Variants in RNU4-2 observed in about 807,000 individuals in gnomAD.
The protein encoded by RNU4-2 is RNA, U4 small nuclear 2, also known as RNA, U4 small nuclear 1B.
In RNU4-2 at chr12:120,291,827, TG is replaced by T. The variant is rs1417379543; in HGVS notation, n.76del. On this transcript the variant is annotated non_coding_transcript_exon_variant, in exon 1 of 1. Coordinates refer to ENST00000365668, the Ensembl canonical transcript of RNU4-2. ...ATTTCAAGTCGTCATGGCGGGGTAT[TG>T]GGAAAAGTTTTCAATTAGCAATAAT... The T allele has an allele frequency of 1.3e-5, 2 of 152,148 alleles. No individual in the cohort carries two copies. The highest frequency in any genetic ancestry group is 6.6e-5 in the Admixed American group (1 of 15,254). The allele number at this position is 152,148 out of a possible 1,614,324, so 9.4% of individuals were successfully genotyped here.
chr12:120,291,865 T>TC (rs770351809), exon 1 of RNU4-2: 1 of 152,168 alleles, frequency 6.6e-6, no homozygotes, highest in Non-Finnish European at 1.5e-5. Context: ...GCGCCTCGGA[T>TC]AAACCTCATT....
At chr12:120,291,765 T>G (rs572999534) in exon 1 of RNU4-2, 2 of 152,174 alleles carry the variant, frequency 1.3e-5, no homozygotes, top group Non-Finnish European at 2.9e-5. Flanking sequence ...AAATTCAGTC[T>G]CCGTAGAGAC....
chr12:120,291,869 C>T (rs991443026), exon 1 of RNU4-2: 8 of 152,094 alleles, frequency 5.3e-5, no homozygotes, highest in Admixed American at 2.0e-4. Context: ...CTCGGATAAA[C>T]CTCATTGGCT....
At position 120,291,783 on chromosome 12, in the gene RNU4-2, A is replaced by T. The variant is rs1031140690; in HGVS notation, n.121T>A. ...TTCAGTCTCCGTAGAGACTGTCAAA[A>T]ATTGCCAATGCCGACTATATTTCAA... On this transcript the variant is annotated non_coding_transcript_exon_variant, in exon 1 of 1. Coordinates refer to ENST00000365668, the Ensembl canonical transcript of RNU4-2. 6.6e-6 allele frequency: 1 copy of T among 152,182 alleles called. No homozygotes were observed. Among genetic ancestry groups the T allele is most frequent in the Non-Finnish European group, 1.5e-5 (1 of 68,030 alleles). 9.4% of individuals were successfully genotyped at this position (152,182 alleles called of 1,614,324 possible).
At chr12:120,291,868 A>C (rs780821715) in exon 1 of RNU4-2, 2 of 152,078 alleles carry the variant, frequency 1.3e-5, no homozygotes, top group African/African-American at 2.4e-5. Flanking sequence ...CCTCGGATAA[A>C]CCTCATTGGC....
chr12:120,291,891 A>AT (rs1367575679), exon 1 of RNU4-2: 1 of 152,156 alleles, frequency 6.6e-6, no homozygotes, highest in Non-Finnish European at 1.5e-5. Flanking sequence ...CGATACTGCC[A>AT]CTGCGCAAAG....
At chr12:120,291,888 G>A (rs924892063) in exon 1 of RNU4-2, 12 of 152,070 alleles carry the variant, frequency 7.9e-5, no homozygotes, top group South Asian at 2.1e-4. Flanking sequence ...CTACGATACT[G>A]CCACTGCGCA....
Position 120,291,812 on chromosome 12 carries a change from G to C in RNU4-2, n.92C>G, listed in dbSNP as rs550542761. On this transcript the variant is annotated non_coding_transcript_exon_variant, in exon 1 of 1. Transcript: ENST00000365668. ...GCCAATGCCGACTATATTTCAAGTC[G>C]TCATGGCGGGGTATTGGGAAAAGTT... The C allele has an allele frequency of 6.6e-6, 1 of 152,224 alleles. No individual in the cohort carries two copies. The highest frequency in any genetic ancestry group is 1.9e-4 in the East Asian group (1 of 5,188). 9.4% of individuals were successfully genotyped at this position (152,224 alleles called of 1,614,324 possible). A position where few individuals can be genotyped will look rare whatever the true frequency, so the allele number is the denominator to read the frequency against.
chr12:120,291,805 T>G (rs575168828), exon 1 of RNU4-2: 5 of 152,194 alleles, frequency 3.3e-5, no homozygotes, highest in South Asian at 2.1e-4. Flanking sequence ...CGACTATATT[T>G]CAAGTCGTCA....
At chr12:120,291,808 A>C (rs944925512) in exon 1 of RNU4-2, 1 of 152,200 alleles carries the variant, frequency 6.6e-6, no homozygotes, top group Non-Finnish European at 1.5e-5. Context: ...CTATATTTCA[A>C]GTCGTCATGG....
chr12:120,291,860 T>G (rs924820188), exon 1 of RNU4-2: 1 of 152,116 alleles, frequency 6.6e-6, no homozygotes, highest in African/African-American at 2.4e-5. Flanking sequence ...TAATCGCGCC[T>G]CGGATAAACC....
At chr12:120,291,776 T>C (rs187416059) in exon 1 of RNU4-2, 43 of 152,316 alleles carry the variant, frequency 2.8e-4, no homozygotes, top group African/African-American at 7.7e-4. Flanking sequence ...CCGTAGAGAC[T>C]GTCAAAAATT....
chr12:120,291,785 T>C lies in RNU4-2; in HGVS notation n.119A>G, dbSNP rs957907005. ...CAGTCTCCGTAGAGACTGTCAAAAA[T>C]TGCCAATGCCGACTATATTTCAAGT... On this transcript the variant is annotated non_coding_transcript_exon_variant, in exon 1 of 1. Coordinates refer to ENST00000365668, the Ensembl canonical transcript of RNU4-2. 8 of 152,194 alleles carry C rather than the reference T, an allele frequency of 5.3e-5. No individual in the cohort carries two copies. The highest frequency in any genetic ancestry group is 9.7e-5 in the African/African-American group (4 of 41,438). 9.4% of individuals were successfully genotyped at this position (152,194 alleles called of 1,614,324 possible). A position where few individuals can be genotyped will look rare whatever the true frequency, so the allele number is the denominator to read the frequency against.
exon 1 of RNU4-2, chr12:120,291,811 C>A (rs538223167): frequency 1.3e-5 from 2 of 152,242 alleles, no homozygotes; most frequent in South Asian, 2.1e-4. Context: ...TATTTCAAGT[C>A]GTCATGGCGG....
exon 1 of RNU4-2, chr12:120,291,764 C>G (rs1299882223): frequency 6.6e-6 from 1 of 152,174 alleles, no homozygotes; most frequent in African/African-American, 2.4e-5. Flanking sequence ...AAAATTCAGT[C>G]TCCGTAGAGA....
chr12:120,291,817 G>C (rs145462080), exon 1 of RNU4-2: 2 of 152,142 alleles, frequency 1.3e-5, no homozygotes, highest in African/African-American at 4.8e-5. Context: ...AAGTCGTCAT[G>C]GCGGGGTATT....
At chr12:120,291,877 G>T (rs564043809) in exon 1 of RNU4-2, 1 of 152,076 alleles carries the variant, frequency 6.6e-6, no homozygotes, top group Admixed American at 6.6e-5. Flanking sequence ...AACCTCATTG[G>T]CTACGATACT....
Sources: gnomAD v4.1 joint callset for allele counts on GRCh38, gnomAD v4.1.1 for gene constraint, MANE v1.5 for transcripts, NCBI Gene and HGNC (gene_info 2026-07-23, HGNC 2026-07-21) for gene names.